The following SYT16 variants were observed in gnomAD, a reference collection of about 807,000 sequenced individuals.
The protein encoded by SYT16 is synaptotagmin 16.
A neutral mutation model predicts 61.4 loss-of-function variants in SYT16; 42 were observed. That is an observed-to-expected ratio of 0.68 (90% CI 0.53 to 0.89). The LOEUF (loss-of-function observed/expected upper bound fraction) is 0.89, where lower values mean the gene tolerates loss of function less well. Among genes scored for constraint, SYT16 ranks in the 40% least tolerant of loss-of-function variants. The pLI is 0.00. For synonymous variants in SYT16, 314 were observed against 302.3 expected, an observed-to-expected ratio of 1.04 and a Z score of -0.40; for missense variants, 804 against 807.3, an observed-to-expected ratio of 1.00 and a Z score of 0.05.
At chr14:61,986,960 T>A (rs2052342595) in intron 2 of SYT16, among the ~76,000 whole-genome samples, 1 of 152,152 alleles carries the variant, frequency 6.6e-6, no homozygotes, top group South Asian at 2.1e-4. Context: ...TACTCTGTGA[T>A]CTCATAGAAA....
chr14:61,816,189 C>T (rs986406450), intron 1 of SYT16, among the ~76,000 whole-genome samples: 4 of 152,146 alleles, frequency 2.6e-5, no homozygotes, highest in African/African-American at 9.7e-5. Context: ...TCTCCACCAG[C>T]AGCCACTTTT....
intron 7 of SYT16, among the ~76,000 whole-genome samples, chr14:62,090,093 A>G (rs1430031416): frequency 6.6e-6 from 1 of 152,248 alleles, no homozygotes. Context: ...ATATACTGCT[A>G]TGTTTCAAAA....
At chr14:62,088,413 G>A (rs1595386996) in intron 7 of SYT16, among the ~76,000 whole-genome samples, 1 of 152,298 alleles carries the variant, frequency 6.6e-6, no homozygotes, top group South Asian at 2.1e-4. Context: ...CAAAGGAGTG[G>A]TGGTGTCAGG....
At chr14:61,890,942 G>A (rs141741984) in intron 1 of SYT16, among the ~76,000 whole-genome samples, 106 of 152,176 alleles carry the variant, frequency 7.0e-4, no homozygotes, top group African/African-American at 2.4e-3. Context: ...AATATTCTGG[G>A]GAAATAAATA....
At chr14:61,852,894 A>G (rs2046659030) in intron 1 of SYT16, among the ~76,000 whole-genome samples, 1 of 152,178 alleles carries the variant, frequency 6.6e-6, no homozygotes, top group Admixed American at 6.5e-5. Context: ...ATTGCCTGTT[A>G]TATTATTGAT....
At chr14:61,822,855 C>T (rs2045657709) in intron 1 of SYT16, among the ~76,000 whole-genome samples, 1 of 152,084 alleles carries the variant, frequency 6.6e-6, no homozygotes, top group South Asian at 2.1e-4. Context: ...CAGAGTGAGA[C>T]AAATGAGAAT....
At chr14:61,889,558 T>A (rs977897657) in intron 1 of SYT16, among the ~76,000 whole-genome samples, 3 of 151,946 alleles carry the variant, frequency 2.0e-5, no homozygotes, top group Non-Finnish European at 4.4e-5. Context: ...GTTAAAAAGA[T>A]CCTGGTACTT....
At chr14:62,055,764 A>T (rs770120154) in intron 3 of SYT16, among the ~76,000 whole-genome samples, 1 of 152,178 alleles carries the variant, frequency 6.6e-6, no homozygotes, top group African/African-American at 2.4e-5. Flanking sequence ...AGCTAATAGG[A>T]TGGATGTATA....
intron 1 of SYT16, among the ~76,000 whole-genome samples, chr14:61,907,959 G>A (rs2048788594): frequency 6.6e-6 from 1 of 152,238 alleles, no homozygotes; most frequent in Non-Finnish European, 1.5e-5. Flanking sequence ...AGAACACAGA[G>A]CATGAGAGAC....
At chr14:61,875,339 G>C (rs1397967077) in intron 1 of SYT16, among the ~76,000 whole-genome samples, 1 of 152,160 alleles carries the variant, frequency 6.6e-6, no homozygotes, top group African/African-American at 2.4e-5. Flanking sequence ...TGGAAGTGAG[G>C]AATCAGGGAA....
chr14:62,029,487 A>G (rs139438946), intron 3 of SYT16, among the ~76,000 whole-genome samples: 3 of 152,148 alleles, frequency 2.0e-5, no homozygotes, highest in South Asian at 4.1e-4. Flanking sequence ...AAGACTCTTG[A>G]TGAGTGTATG....
chr14:62,061,225 T>C (rs2055812052), intron 3 of SYT16, among the ~76,000 whole-genome samples: 1 of 152,064 alleles, frequency 6.6e-6, no homozygotes, highest in African/African-American at 2.4e-5. Context: ...AGAACAACCG[T>C]TGACAGAAGA....
rs562124042 is a variant in SYT16 at position 61,843,359 on chromosome 14, C to A, written c.-325+30549C>A. On this transcript the variant is annotated intron_variant, in intron 1 of 7. Coordinates refer to ENST00000683842, the MANE Select transcript of SYT16 (RefSeq NM_001367656.1). ...TGAACACCTTTCCATAGAGTTATTT[C>A]TTAACTTTGTTGATTGTTTCCTTTG... 1.0e-3 allele frequency among the ~76,000 whole-genome samples: 158 copies of A among 152,226 alleles called. 1 individual carries two copies. The highest frequency in any genetic ancestry group is 3.5e-3 in the African/African-American group (147 of 41,544).
chr14:62,046,666 A>G (rs1359178240), intron 3 of SYT16, among the ~76,000 whole-genome samples: 5 of 152,220 alleles, frequency 3.3e-5, no homozygotes, highest in Non-Finnish European at 5.9e-5. Context: ...TCAGCTTTCT[A>G]CATATGGTTA....
At chr14:62,047,591 G>A (rs1421577617) in intron 3 of SYT16, among the ~76,000 whole-genome samples, 3 of 152,122 alleles carry the variant, frequency 2.0e-5, no homozygotes, top group Non-Finnish European at 4.4e-5. Context: ...TGTCCATTCA[G>A]TATGATATTG....
At chr14:61,845,000 G>C (rs2046400111) in intron 1 of SYT16, among the ~76,000 whole-genome samples, 1 of 148,950 alleles carries the variant, frequency 6.7e-6, no homozygotes, top group Non-Finnish European at 1.5e-5. Context: ...GAATACAGCA[G>C]TGAAGCCATT....
At chr14:61,831,521 T>C (rs1245499584) in intron 1 of SYT16, among the ~76,000 whole-genome samples, 15 of 152,224 alleles carry the variant, frequency 9.9e-5, no homozygotes. Context: ...TTCTGGAAAA[T>C]TCTTAGTCAT....
Position 61,935,499 on chromosome 14 carries a change from G to A in SYT16, c.-324-34633G>A, listed in dbSNP as rs115567715. ...CTAGCCTGGCTCTTCACCTAACTGGGGCTTTGTAACCAATGGGCACCTTGG... is the reference window on the plus strand; with the variant it reads ...CTAGCCTGGCTCTTCACCTAACTGGAGCTTTGTAACCAATGGGCACCTTGG... On this transcript the variant is annotated intron_variant, in intron 1 of 7. Transcript: ENST00000683842. 6.2e-3 allele frequency among the ~76,000 whole-genome samples: 937 copies of A among 152,274 alleles called. 10 individuals carry two copies. Among genetic ancestry groups the A allele is most frequent in the African/African-American group, 0.021 (880 of 41,544 alleles).
chr14:61,922,004 A>G (rs1215849102), intron 1 of SYT16, among the ~76,000 whole-genome samples: 1 of 152,204 alleles, frequency 6.6e-6, no homozygotes, highest in African/African-American at 2.4e-5. Flanking sequence ...TTATGTCTAA[A>G]ATGAGAGTAT....
Sources: allele counts gnomAD v4.1 joint callset (sites outside exome capture counted in the v4.1 genomes callset), GRCh38; gene constraint gnomAD v4.1.1; transcripts MANE v1.5; gene names NCBI Gene and HGNC (gene_info 2026-07-23, HGNC 2026-07-21).